DNAH17: variants seen among roughly 807,000 people sequenced by gnomAD.
The protein encoded by DNAH17 is axonemal beta dynein heavy chain 17.
DNAH17 carries 376 observed loss-of-function variants against 485.6 expected under a neutral mutation model. That is an observed-to-expected ratio of 0.77 (90% CI 0.71 to 0.84). The LOEUF (loss-of-function observed/expected upper bound fraction) is 0.84. Ranked by LOEUF, DNAH17 falls within the 40% of genes least tolerant of loss-of-function variation. DNAH17 has a pLI of 0.00. For missense variants in DNAH17, 6,370 were observed against 5,839.3 expected (o/e 1.09, Z -2.96); for synonymous variants, 3,031 against 2,405.9 (o/e 1.26, Z -7.60).
At chr17:78,465,090 G>A (rs559941894) in intron 56 of DNAH17, among the ~76,000 whole-genome samples, 8 of 152,228 alleles carry the variant, frequency 5.3e-5, no homozygotes, top group South Asian at 2.1e-4. Context: ...GCAGGCTCGC[G>A]CCGCCACGCC....
chr17:78,494,452 G>A (rs1006616896), intron 40 of DNAH17, 141 bp downstream of exon 40: 9 of 1,036,538 alleles, frequency 8.7e-6, no homozygotes, highest in East Asian at 2.5e-5. Context: ...GGCCACGGAG[G>A]CAGCTGTGGC....
intron 1 of DNAH17, among the ~76,000 whole-genome samples, chr17:78,576,241 G>T (rs763834207): frequency 1.3e-5 from 2 of 152,166 alleles, no homozygotes; most frequent in Admixed American, 6.5e-5. Context: ...GTAATACCAC[G>T]GAACAGGTTT....
rs756042863 is a variant in DNAH17 at position 78,544,014 on chromosome 17, GGAGT to G, written c.2392-21_2392-18del. 27 of 1,613,912 alleles carry G rather than the reference GGAGT, an allele frequency of 1.7e-5. 1 individual carries two copies. Among genetic ancestry groups the G allele is most frequent in the South Asian group, 1.3e-4 (12 of 91,080 alleles). On this transcript the variant is annotated intron_variant, in intron 16 of 80. Transcript: ENST00000389840. ...CGACCAGTCCTGGAAGGAAAGCACA[GGAGT>G]GAGAAAAGGTGTTCTGGAGAAACTG...
At position 78,502,610 on chromosome 17, in the gene DNAH17, C is replaced by T. The variant is rs930571; in HGVS notation, c.5171G>A (p.Arg1724Lys). The part of the protein sequence containing the change: ...RLEEGYENAI[R>K]DYNKKQISQL... The stretch of plus-strand genomic sequence containing the variant: ...ACACACCTGCTTTTTGTTATAATCT[C>T]TGATAGCGTTTTCATAGCCTTCCTC... Residue 1724 changes from arginine (R) to lysine (K), a missense_variant, in exon 33 of 81, where the codon AGA (arginine) becomes AAA (lysine). By Grantham distance (26) the Arg-to-Lys change is conservative. Coordinates refer to ENST00000389840, the MANE Select transcript of DNAH17 (RefSeq NM_173628.4). The T allele has an allele frequency of 0.84, 1,350,610 of 1,612,524 alleles. 568,007 individuals carry two copies. The highest frequency in any genetic ancestry group is 0.99 in the East Asian group (44,264 of 44,866).
chr17:78,471,223 C>A (rs896330217), intron 54 of DNAH17, among the ~76,000 whole-genome samples: 1 of 152,200 alleles, frequency 6.6e-6, no homozygotes, highest in African/African-American at 2.4e-5. Context: ...AGAAACCTCA[C>A]CAGGCCTCCT....
At chr17:78,545,394 C>G (rs2091731669) in intron 16 of DNAH17, among the ~76,000 whole-genome samples, 1 of 152,160 alleles carries the variant, frequency 6.6e-6, no homozygotes, top group Non-Finnish European at 1.5e-5. Flanking sequence ...AGACATTTCT[C>G]ACAGGTTTAG....
At chr17:78,533,079 G>A (rs542725412) in intron 19 of DNAH17, 4 of 217,208 alleles carry the variant, frequency 1.8e-5, no homozygotes, top group African/African-American at 4.6e-5. Flanking sequence ...ACGGGAAATA[G>A]GAACCTTTGC....
intron 55 of DNAH17, among the ~76,000 whole-genome samples, chr17:78,467,238 G>C (rs2088514245): frequency 6.6e-6 from 1 of 152,210 alleles, no homozygotes; most frequent in African/African-American, 2.4e-5. Flanking sequence ...ATCCCAGCTG[G>C]AGAAGGTGCT....
chr17:78,565,460 G>A (rs944682794), intron 11 of DNAH17, among the ~76,000 whole-genome samples: 1 of 152,210 alleles, frequency 6.6e-6, no homozygotes, highest in Non-Finnish European at 1.5e-5. Context: ...CGTTTGTCGG[G>A]GAGAGATCTT....
chr17:78,494,942 C>G lies in DNAH17; in HGVS notation c.6042+17G>C, dbSNP rs764894445. ...AACTCCCACCCACACCCGCCGTGAG[C>G]TCCAGGACACACACACCTGCTTCGA... On this transcript the variant is annotated intron_variant, in intron 39 of 80. Coordinates refer to ENST00000389840, the MANE Select transcript of DNAH17 (RefSeq NM_173628.4). 2.5e-6 allele frequency: 4 copies of G among 1,606,032 alleles called. No individual in the cohort carries two copies. The Admixed American group carries it at 6.7e-5, about 27-fold the overall frequency.
chr17:78,491,590 T>A lies in DNAH17; in HGVS notation c.6542-20A>T. 6.2e-7 allele frequency: 1 copy of A among 1,612,160 alleles called. No individual in the cohort carries two copies. On this transcript the variant is annotated intron_variant, in intron 42 of 80. Coordinates refer to ENST00000389840, the MANE Select transcript of DNAH17 (RefSeq NM_173628.4). ...ACAGGCCTGGGGGAGGCGCGTGGTA[T>A]GACCCCGGGCCCTTCACTCCGGCCC... is the stretch of plus-strand genomic sequence containing the variant.
intron 25 of DNAH17, among the ~76,000 whole-genome samples, chr17:78,517,862 T>C (rs7216775): frequency 0.021 from 3,270 of 152,218 alleles, 133 homozygotes; most frequent in African/African-American, 0.074. Context: ...TACTCATATA[T>C]TGAGGAAATA....
chr17:78,516,498 C>A (rs888768847), intron 25 of DNAH17, among the ~76,000 whole-genome samples: 1 of 152,070 alleles, frequency 6.6e-6, no homozygotes, highest in African/African-American at 2.4e-5. Context: ...ACCAGCCTGA[C>A]CAACATGGTG....
At chr17:78,467,583 C>T (rs151036447) in intron 55 of DNAH17, among the ~76,000 whole-genome samples, 33 of 152,136 alleles carry the variant, frequency 2.2e-4, no homozygotes. Flanking sequence ...CTGTTTGAGT[C>T]AAGCAGGGGA....
At chr17:78,490,871 G>A (rs2089821416) in intron 43 of DNAH17, 24 bp from the exon 44 acceptor site, 2 of 1,568,336 alleles carry the variant, frequency 1.3e-6, no homozygotes, top group African/African-American at 2.7e-5. Context: ...AGCAGCCCGT[G>A]GGGTCCTAAG....
intron 77 of DNAH17, among the ~76,000 whole-genome samples, chr17:78,427,781 G>A (rs962107642): frequency 2.0e-5 from 3 of 152,130 alleles, no homozygotes; most frequent in African/African-American, 4.8e-5. Context: ...AAACCAGCCT[G>A]GCCAACATGG....
At chr17:78,453,945 C>T (rs950183477) in intron 64 of DNAH17, among the ~76,000 whole-genome samples, 19 of 152,158 alleles carry the variant, frequency 1.2e-4, no homozygotes, top group Non-Finnish European at 8.8e-5. Context: ...TGAGCTCAAG[C>T]GATCCTCCTT....
At chr17:78,425,129 G>T (rs2086380380) in intron 80 of DNAH17, 11 of 487,892 alleles carry the variant, frequency 2.3e-5, no homozygotes, top group Non-Finnish European at 3.6e-5. Flanking sequence ...GGTGTTTTTG[G>T]TCTCCTCCAG....
chr17:78,566,542 A>T, intron 11 of DNAH17, 72 bp downstream of exon 11: 4 of 1,128,186 alleles, frequency 3.5e-6, no homozygotes, highest in Non-Finnish European at 5.2e-6. Context: ...GGTCTCCAAG[A>T]TCGTTCTCGA....
Sources: allele counts gnomAD v4.1 joint callset (sites outside exome capture counted in the v4.1 genomes callset), GRCh38; gene constraint gnomAD v4.1.1; transcripts MANE v1.5; gene names NCBI Gene and HGNC (gene_info 2026-07-23, HGNC 2026-07-21).